The following CSMD3 variants were observed in gnomAD, a reference collection of about 807,000 sequenced individuals.
CSMD3 encodes CUB and sushi domain-containing protein 3.
Under a neutral mutation model 435.2 loss-of-function variants are expected in CSMD3, and 177 were observed. The observed-to-expected ratio is 0.41, with a 90% CI of 0.36 to 0.46. CSMD3 has a LOEUF of 0.46. CSMD3 is among the 20% of genes least tolerant of loss of function. CSMD3 has a pLI of 0.34. For synonymous variants in CSMD3, 1,656 were observed against 1,520.5 expected (o/e 1.09, Z -2.07); for missense variants, 4,265 against 4,504.6 (o/e 0.95, Z 1.52).
chr8:113,152,542 T>C (rs1182326716), intron 4 of CSMD3, among the ~76,000 whole-genome samples: 5 of 152,118 alleles, frequency 3.3e-5, no homozygotes, highest in Non-Finnish European at 7.4e-5. Context: ...CAATCCCTTT[T>C]AACCTAAGCT....
chr8:112,673,173 TA>T (rs540547458), intron 16 of CSMD3, among the ~76,000 whole-genome samples: 132 of 144,460 alleles, frequency 9.1e-4, no homozygotes, highest in Non-Finnish European at 1.5e-3. Flanking sequence ...TTTTGTTCCT[TA>T]AAAAAAAAAA....
intron 5 of CSMD3, among the ~76,000 whole-genome samples, chr8:113,045,993 TG>T (rs1486293701): frequency 4.0e-5 from 6 of 149,630 alleles, no homozygotes; most frequent in Non-Finnish European, 6.0e-5. Flanking sequence ...TGCCTTTAAA[TG>T]ACTGAATCGA....
At chr8:112,411,078 G>A (rs1183020172) in intron 32 of CSMD3, among the ~76,000 whole-genome samples, 1 of 148,994 alleles carries the variant, frequency 6.7e-6, no homozygotes, top group Non-Finnish European at 1.5e-5. Context: ...AAAATACACA[G>A]GTATCCAAGA....
chr8:112,295,580 A>G (rs934343906), intron 54 of CSMD3, among the ~76,000 whole-genome samples: 3 of 151,624 alleles, frequency 2.0e-5, no homozygotes, highest in Non-Finnish European at 2.9e-5. Flanking sequence ...TTAATTTATC[A>G]ATATTATATA....
intron 3 of CSMD3, among the ~76,000 whole-genome samples, chr8:113,194,652 G>A (rs2092630237): frequency 6.6e-6 from 1 of 151,130 alleles, no homozygotes; most frequent in Non-Finnish European, 1.5e-5. Flanking sequence ...GTAGGCGAAG[G>A]AGATGAAAAC....
chr8:112,270,367 T>TGTGTGTGTGTTAGGGGTGA (rs1554623035), intron 59 of CSMD3, among the ~76,000 whole-genome samples: 1 of 150,224 alleles, frequency 6.7e-6, no homozygotes, highest in Admixed American at 6.7e-5. Context: ...TGTGTGTGTG[T>TGTGTGTGTGTTAGGGGTGA]GTGTGTGTGT....
rs565151469 is a variant in CSMD3, at chr8:113,114,570, CAGTGT to C, written c.710-15612_710-15608del. Among the ~76,000 whole-genome samples the C allele has an allele frequency of 9.9e-5, 15 of 152,194 alleles. No individual in the cohort carries two copies. The South Asian group carries it at 3.1e-3, about 32-fold the overall frequency. On this transcript the variant is annotated intron_variant, in intron 4 of 70. Transcript: ENST00000297405. ...CCTAGGCAAAAGATAAAGAAGACCA[CAGTGT>C]ATAGATTAGCTATTATGCATGGGTT...
chr8:113,185,552 C>T (rs1230889232), intron 3 of CSMD3, among the ~76,000 whole-genome samples: 1 of 152,028 alleles, frequency 6.6e-6, no homozygotes, highest in Non-Finnish European at 1.5e-5. Context: ...TTCATGCTTT[C>T]ATCTCCCCCT....
intron 2 of CSMD3, among the ~76,000 whole-genome samples, chr8:113,290,317 C>G (rs67684439): frequency 6.6e-6 from 1 of 151,480 alleles, no homozygotes; most frequent in African/African-American, 2.4e-5. Context: ...AAAGAAACTA[C>G]TATAGTTTCA....
intron 25 of CSMD3, 49 bp downstream of exon 25, chr8:112,556,714 A>G (rs1307695684): frequency 5.5e-6 from 8 of 1,467,792 alleles, no homozygotes; most frequent in Non-Finnish European, 7.6e-6. Context: ...AAAGAATTTG[A>G]TAAAGTTTTC....
intron 3 of CSMD3, among the ~76,000 whole-genome samples, chr8:113,244,472 C>T (rs1386935021): frequency 6.6e-6 from 1 of 151,994 alleles, no homozygotes; most frequent in African/African-American, 2.4e-5. Context: ...TGTGTCACCA[C>T]GCCTGACTAA....
intron 45 of CSMD3, among the ~76,000 whole-genome samples, chr8:112,326,963 A>C (rs1027881155): frequency 3.3e-5 from 5 of 152,188 alleles, no homozygotes; most frequent in African/African-American, 9.7e-5. Flanking sequence ...CAGAGGTTGC[A>C]GTCAGCTGAG....
chr8:113,079,934 ATGTT>A (rs150634033), intron 5 of CSMD3, among the ~76,000 whole-genome samples: 26 of 152,086 alleles, frequency 1.7e-4, no homozygotes, highest in East Asian at 9.7e-4. Context: ...GTATTTTTAA[ATGTT>A]TGTTTGTTTG....
At chr8:113,124,964 G>A (rs1242772290) in intron 4 of CSMD3, among the ~76,000 whole-genome samples, 3 of 151,794 alleles carry the variant, frequency 2.0e-5, no homozygotes, top group Non-Finnish European at 4.4e-5. Context: ...ATTCTCAATG[G>A]TTTCTAGTCC....
In CSMD3 at chr8:113,334,069, C is replaced by T. The variant is rs1432665979; in HGVS notation, c.179-19276G>A. On this transcript the variant is annotated intron_variant, in intron 1 of 70. Coordinates refer to ENST00000297405, the MANE Select transcript of CSMD3 (RefSeq NM_198123.2). Reference sequence around the variant, plus strand: ...AATTTAGATGTCTACATGTTCACTGCTACTATACAAAAATTACGATTTTTA... The same window carrying T: ...AATTTAGATGTCTACATGTTCACTGTTACTATACAAAAATTACGATTTTTA... Among the ~76,000 whole-genome samples the T allele has an allele frequency of 3.3e-5, 5 of 151,822 alleles. No homozygotes were observed. The East Asian group carries it at 9.6e-4, about 29-fold the overall frequency.
chr8:112,805,858 G>C (rs1395369340), intron 12 of CSMD3, among the ~76,000 whole-genome samples: 1 of 152,092 alleles, frequency 6.6e-6, no homozygotes, highest in Non-Finnish European at 1.5e-5. Context: ...AAAACTTAAA[G>C]AAATTTGTCC....
intron 10 of CSMD3, among the ~76,000 whole-genome samples, chr8:112,888,258 G>A (rs1249235802): frequency 9.9e-5 from 15 of 151,576 alleles, no homozygotes; most frequent in Non-Finnish European, 7.4e-5. Context: ...ATTCTCTAGG[G>A]ACATAAATTT....
At chr8:112,366,823 G>T (rs759030865) in intron 38 of CSMD3, among the ~76,000 whole-genome samples, 1 of 152,118 alleles carries the variant, frequency 6.6e-6, no homozygotes, top group Non-Finnish European at 1.5e-5. Flanking sequence ...GCATTGACAT[G>T]GTTAAATTCC....
intron 15 of CSMD3, 58 bp from the exon 16 acceptor site, chr8:112,682,694 T>G: frequency 8.7e-7 from 1 of 1,145,390 alleles, no homozygotes; most frequent in South Asian, 1.2e-5. Context: ...CAGAGAGAGA[T>G]CCTTCTATAT....
Sources: allele counts gnomAD v4.1 joint callset (sites outside exome capture counted in the v4.1 genomes callset), GRCh38; gene constraint gnomAD v4.1.1; transcripts MANE v1.5; gene names NCBI Gene and HGNC (gene_info 2026-07-23, HGNC 2026-07-21).